Variants in PTTG1IP2 observed in about 807,000 individuals in gnomAD.
PTTG1IP2 encodes PTTG1IP family member 2.
At chr7:90,478,933 T>A (rs551785055) in intron 1 of PTTG1IP2, among the ~76,000 whole-genome samples, 1 of 151,958 alleles carries the variant, frequency 6.6e-6, no homozygotes, top group Non-Finnish European at 1.5e-5. Flanking sequence ...TACAATGGAG[T>A]TGCCAATTTG....
chr7:90,490,607 C>A (rs889146357), intron 4 of PTTG1IP2, among the ~76,000 whole-genome samples: 1 of 151,990 alleles, frequency 6.6e-6, no homozygotes, highest in Non-Finnish European at 1.5e-5. Flanking sequence ...CCCTCTGAAA[C>A]AAACATACAC....
chr7:90,498,988 C>T (rs1403665849), intron 6 of PTTG1IP2, among the ~76,000 whole-genome samples: 1 of 152,080 alleles, frequency 6.6e-6, no homozygotes, highest in Non-Finnish European at 1.5e-5. Flanking sequence ...AGTATCCAAG[C>T]CTACAGATGC....
chr7:90,509,445 C>A (rs144100151), intron 6 of PTTG1IP2, among the ~76,000 whole-genome samples: 14 of 152,110 alleles, frequency 9.2e-5, no homozygotes, highest in Admixed American at 9.2e-4. Context: ...CTGTGGGTGG[C>A]TGGAAGATAC....
intron 2 of PTTG1IP2, 116 bp from the exon 3 acceptor site, chr7:90,487,211 T>C (rs1440374337): frequency 1.3e-5 from 2 of 152,568 alleles, no homozygotes; most frequent in Non-Finnish European, 2.9e-5. Context: ...CTACTACAAA[T>C]AATAATAATA....
intron 6 of PTTG1IP2, among the ~76,000 whole-genome samples, chr7:90,507,384 G>A (rs1192626239): frequency 1.3e-5 from 2 of 152,252 alleles, no homozygotes; most frequent in East Asian, 3.9e-4. Flanking sequence ...GCTCAAAGTT[G>A]CATCTGGAGT....
At chr7:90,471,899 C>G (rs147745215) in intron 1 of PTTG1IP2, among the ~76,000 whole-genome samples, 32 of 152,190 alleles carry the variant, frequency 2.1e-4, no homozygotes, top group Non-Finnish European at 4.1e-4. Flanking sequence ...ATCTAGAGTC[C>G]AAAGATACCC....
At chr7:90,489,132 A>G (rs1797910337) in intron 4 of PTTG1IP2, among the ~76,000 whole-genome samples, 168 bp downstream of exon 4, 1 of 151,754 alleles carries the variant, frequency 6.6e-6, no homozygotes, top group South Asian at 2.1e-4. Flanking sequence ...AAATGAAAAA[A>G]AAAAAAAGTT....
rs369938311 is a variant in PTTG1IP2, at chr7:90,512,909, G to A, written c.*51-369G>A. 1.2e-3 allele frequency among the ~76,000 whole-genome samples: 184 copies of A among 152,338 alleles called. 7 individuals carry two copies. The South Asian group carries it at 0.037, about 31-fold the overall frequency. ...TTTTGGAATAGATGGTTTCTTTACT[G>A]CCAAGTTGAACCCTTTCTGGGAATA... is the stretch of plus-strand genomic sequence containing the variant. On this transcript the variant is annotated intron_variant, in intron 6 of 6. Coordinates refer to ENST00000509356, the MANE Select transcript of PTTG1IP2 (RefSeq NM_001365443.2).
chr7:90,470,886 CT>C (rs2116035122), intron 1 of PTTG1IP2, among the ~76,000 whole-genome samples: 1 of 150,906 alleles, frequency 6.6e-6, no homozygotes, highest in African/African-American at 2.4e-5. Context: ...CAAATTCTTC[CT>C]TTTGTTCCCT....
chr7:90,474,458 C>T (rs1042636522), intron 1 of PTTG1IP2, among the ~76,000 whole-genome samples: 3 of 152,322 alleles, frequency 2.0e-5, no homozygotes, highest in African/African-American at 4.8e-5. Flanking sequence ...CTAAAACACA[C>T]ATAAGAGAAG....
At chr7:90,512,571 G>A (rs1287189764) in intron 6 of PTTG1IP2, among the ~76,000 whole-genome samples, 1 of 152,148 alleles carries the variant, frequency 6.6e-6, no homozygotes, top group Non-Finnish European at 1.5e-5. Flanking sequence ...GGATTTATTG[G>A]CCATTCTAAA....
chr7:90,488,059 A>G (rs567336877), intron 3 of PTTG1IP2, among the ~76,000 whole-genome samples: 1 of 152,156 alleles, frequency 6.6e-6, no homozygotes, highest in African/African-American at 2.4e-5. Flanking sequence ...ACGTTATACA[A>G]TACTTACCAA....
intron 6 of PTTG1IP2, among the ~76,000 whole-genome samples, chr7:90,512,853 G>A (rs2116142809): frequency 6.6e-6 from 1 of 152,276 alleles, no homozygotes; most frequent in South Asian, 2.1e-4. Flanking sequence ...TTCTTTCTTA[G>A]CAGATGAAAA....
chr7:90,494,608 A>C (rs1797972370), intron 6 of PTTG1IP2, among the ~76,000 whole-genome samples, 178 bp downstream of exon 6: 1 of 152,142 alleles, frequency 6.6e-6, no homozygotes, highest in African/African-American at 2.4e-5. Context: ...AAGGCCAAGC[A>C]CAGTAGCTGA....
At chr7:90,483,921 C>T (rs1009992463) in intron 2 of PTTG1IP2, among the ~76,000 whole-genome samples, 1 of 152,154 alleles carries the variant, frequency 6.6e-6, no homozygotes, top group African/African-American at 2.4e-5. Context: ...TTTCACAGTC[C>T]TGGTCTCTAC....
intron 6 of PTTG1IP2, among the ~76,000 whole-genome samples, chr7:90,511,210 A>G (rs1429785901): frequency 1.3e-5 from 2 of 152,228 alleles, no homozygotes; most frequent in East Asian, 3.9e-4. Context: ...CCCTCTTAGG[A>G]AAGTGTAAGA....
At chr7:90,475,170 C>T (rs1292749175) in intron 1 of PTTG1IP2, among the ~76,000 whole-genome samples, 2 of 152,186 alleles carry the variant, frequency 1.3e-5, no homozygotes, top group African/African-American at 4.8e-5. Context: ...GGACTAAGAG[C>T]TTATGAACTT....
Position 90,508,905 on chromosome 7 carries a change from A to G in PTTG1IP2, c.*51-4373A>G, listed in dbSNP as rs11563422. Among the ~76,000 whole-genome samples, 468 of 152,296 alleles carry G rather than the reference A, an allele frequency of 3.1e-3. 3 individuals carry two copies. Among genetic ancestry groups the G allele is most frequent in the Non-Finnish European group, 4.0e-3 (269 of 68,022 alleles). Reference sequence around the variant, plus strand: ...AGCCTTGTGCCGGGACCCTCAGCCTAGACATGTGTGCGCAGTGGCCCTGCT... The same window carrying G: ...AGCCTTGTGCCGGGACCCTCAGCCTGGACATGTGTGCGCAGTGGCCCTGCT... On this transcript the variant is annotated intron_variant, in intron 6 of 6. Coordinates refer to ENST00000509356, the MANE Select transcript of PTTG1IP2 (RefSeq NM_001365443.2).
rs544159398 is a variant in PTTG1IP2 at position 90,477,271 on chromosome 7, T to C, written c.146-1957T>C. Among the ~76,000 whole-genome samples, 3 of 152,288 alleles carry C rather than the reference T, an allele frequency of 2.0e-5. No homozygotes were observed. The South Asian group carries it at 6.2e-4, about 32-fold the overall frequency. On this transcript the variant is annotated intron_variant, in intron 1 of 6. Coordinates refer to ENST00000509356, the MANE Select transcript of PTTG1IP2 (RefSeq NM_001365443.2). ...TGGAAATAGCTAGAACCTCGTTCTT[T>C]AGGAATAGAAGAGAAGAAAGAACCT... is the stretch of plus-strand genomic sequence containing the variant.
Sources: allele counts gnomAD v4.1 joint callset (sites outside exome capture counted in the v4.1 genomes callset), GRCh38; gene constraint gnomAD v4.1.1; transcripts MANE v1.5; gene names NCBI Gene and HGNC (gene_info 2026-07-23, HGNC 2026-07-21).